The following DLC1 variants were observed in gnomAD, a reference collection of about 807,000 sequenced individuals.
DLC1 encodes the protein rho GTPase-activating protein 7.
Under a neutral mutation model 140.3 loss-of-function variants are expected in DLC1, and 54 were observed. The ratio of observed to expected loss-of-function variants is 0.38; its 90% CI spans 0.31 to 0.48. The LOEUF (loss-of-function observed/expected upper bound fraction) is 0.48. DLC1 is among the 20% of genes least tolerant of loss of function. The pLI is 0.96. For missense variants in DLC1, 2,536 were observed against 1,907.0 expected (o/e 1.33, Z -6.14); for synonymous variants, 986 against 728.1 (o/e 1.35, Z -5.70).
At chr8:13,188,603 CTTTTTTT>C (rs769280491) in intron 5 of DLC1, among the ~76,000 whole-genome samples, 1 of 116,178 alleles carries the variant, frequency 8.6e-6, no homozygotes, top group Non-Finnish European at 1.7e-5. Flanking sequence ...ATGTCTATTA[CTTTTTTT>C]TTTTTTTTTT....
chr8:13,294,123 G>A (rs535996847), intron 5 of DLC1, among the ~76,000 whole-genome samples: 60 of 152,166 alleles, frequency 3.9e-4, no homozygotes, highest in Non-Finnish European at 6.5e-4. Context: ...CTCTGTCTCC[G>A]CAAACCACTG....
At position 13,253,348 on chromosome 8, in the gene DLC1, G is replaced by A. The variant is rs544066739; in HGVS notation, c.1348+51921C>T. ...AATGCCTTTTTAAAAATTGTCATTGGATGTCCTCGTTCATTGTGAGAGGAC... is the reference window on the plus strand; with the variant it reads ...AATGCCTTTTTAAAAATTGTCATTGAATGTCCTCGTTCATTGTGAGAGGAC... On this transcript the variant is annotated intron_variant, in intron 5 of 17. Transcript: ENST00000276297. Among the ~76,000 whole-genome samples the A allele has an allele frequency of 2.0e-5, 3 of 152,234 alleles. No homozygotes were observed. The South Asian group carries it at 6.2e-4, about 32-fold the overall frequency.
At chr8:13,431,750 T>G (rs907828145) in intron 2 of DLC1, among the ~76,000 whole-genome samples, 51 of 152,016 alleles carry the variant, frequency 3.4e-4, no homozygotes, top group African/African-American at 1.2e-3. Context: ...TGCTTACCTA[T>G]CTGTAGGGCT....
chr8:13,246,716 G>A (rs1266991435), intron 5 of DLC1, among the ~76,000 whole-genome samples: 1 of 150,860 alleles, frequency 6.6e-6, no homozygotes, highest in East Asian at 1.9e-4. Flanking sequence ...GCATGCCATT[G>A]CTTCACTAAC....
At chr8:13,523,477 A>G (rs547744113) in intron 1 of DLC1, among the ~76,000 whole-genome samples, 7 of 152,310 alleles carry the variant, frequency 4.6e-5, no homozygotes, top group African/African-American at 1.7e-4. Flanking sequence ...TAGAAGTGTT[A>G]AAGAGGCAGT....
intron 2 of DLC1, among the ~76,000 whole-genome samples, chr8:13,472,563 G>A (rs781211113): frequency 6.6e-6 from 1 of 152,106 alleles, no homozygotes; most frequent in East Asian, 1.9e-4. Context: ...TTTAGTAGTA[G>A]TCCCCTAGGA....
chr8:13,453,513 TAC>T lies in DLC1; in HGVS notation c.1023+45534_1023+45535del, dbSNP rs1315367233. On this transcript the variant is annotated intron_variant, in intron 2 of 17. Transcript: ENST00000276297. ...ATACATATATATATGTATATATATA[TAC>T]ATATATATATATGTATATATATACA... 4.6e-4 allele frequency among the ~76,000 whole-genome samples: 14 copies of T among 30,550 alleles called. 1 individual carries two copies. The highest frequency in any genetic ancestry group is 1.5e-3 in the East Asian group (2 of 1,292). The allele number at this position is 30,550 out of a possible 152,430, so 20.0% of individuals were successfully genotyped here.
chr8:13,147,970 G>A (rs1585770031), intron 5 of DLC1, among the ~76,000 whole-genome samples: 2 of 152,268 alleles, frequency 1.3e-5, no homozygotes, highest in Middle Eastern at 6.8e-3. Context: ...CTGGGCAACA[G>A]AGCAAGACTC....
chr8:13,165,247 C>T (rs1825025716), intron 5 of DLC1, among the ~76,000 whole-genome samples: 1 of 152,060 alleles, frequency 6.6e-6, no homozygotes, highest in African/African-American at 2.4e-5. Flanking sequence ...ATCTAGCAAT[C>T]CCACTTTATA....
intron 2 of DLC1, among the ~76,000 whole-genome samples, chr8:13,442,216 A>C (rs1798546023): frequency 6.6e-6 from 1 of 152,240 alleles, no homozygotes; most frequent in South Asian, 2.1e-4. Context: ...AGATGGATTA[A>C]AGACTTAAAT....
chr8:13,413,004 C>G (rs189225863), intron 2 of DLC1, among the ~76,000 whole-genome samples: 2 of 150,716 alleles, frequency 1.3e-5, no homozygotes, highest in African/African-American at 4.9e-5. Context: ...GTTTAATGAG[C>G]AAAACACAGG....
chr8:13,563,008 A>C (rs1303068866), intron 1 of DLC1, among the ~76,000 whole-genome samples: 1 of 152,240 alleles, frequency 6.6e-6, no homozygotes, highest in Non-Finnish European at 1.5e-5. Context: ...ATATTTTCAA[A>C]ACATTTTTGA....
chr8:13,259,061 C>T (rs1001392335), intron 5 of DLC1, among the ~76,000 whole-genome samples: 6 of 145,832 alleles, frequency 4.1e-5, no homozygotes, highest in Admixed American at 1.4e-4. Context: ...GGCGTGAACC[C>T]GGGAGGCGGA....
chr8:13,531,519 C>G (rs1976019), intron 1 of DLC1, among the ~76,000 whole-genome samples: 149,707 of 152,244 alleles, frequency 0.98, 73,667 homozygotes, highest in East Asian at 1. Flanking sequence ...CTGGGAGGTG[C>G]AGGTTGCAGT....
rs547687287 is a variant in DLC1 at position 13,460,385 on chromosome 8, C to T, written c.1023+38664G>A. ...ACTAAAAGACTTCTGTACAGATTCA[C>T]CGTAAGCTCACTGCACGTGTTCTGG... On this transcript the variant is annotated intron_variant, in intron 2 of 17. Coordinates refer to ENST00000276297, the MANE Select transcript of DLC1 (RefSeq NM_182643.3). 6.0e-4 allele frequency among the ~76,000 whole-genome samples: 91 copies of T among 152,310 alleles called. 1 individual carries two copies. Among genetic ancestry groups the T allele is most frequent in the Admixed American group, 1.0e-3 (16 of 15,300 alleles).
intron 3 of DLC1, among the ~76,000 whole-genome samples, chr8:13,398,521 T>C (rs537930201): frequency 6.7e-6 from 1 of 149,464 alleles, no homozygotes; most frequent in African/African-American, 2.5e-5. Context: ...TCCCAACACA[T>C]TGGGAGGCCG....
chr8:13,160,489 G>C (rs1477795654), intron 5 of DLC1, among the ~76,000 whole-genome samples: 3 of 152,130 alleles, frequency 2.0e-5, no homozygotes, highest in Non-Finnish European at 4.4e-5. Context: ...CTGTCCTCTT[G>C]GATGTGGTGG....
rs534577283 is a variant in DLC1 at position 13,473,780 on chromosome 8, G to C, written c.1023+25269C>G. The stretch of plus-strand genomic sequence containing the variant: ...CTGGTAGCATTTTTCCCCTTCGCTA[G>C]AGATTTTTGGAACTTTGAACTTGAG... On this transcript the variant is annotated intron_variant, in intron 2 of 17. Coordinates refer to ENST00000276297, the MANE Select transcript of DLC1 (RefSeq NM_182643.3). Among the ~76,000 whole-genome samples the C allele has an allele frequency of 1.1e-4, 16 of 152,274 alleles. No individual in the cohort carries two copies. The East Asian group carries it at 3.1e-3, about 29-fold the overall frequency.
chr8:13,265,264 A>C (rs145299790), intron 5 of DLC1, among the ~76,000 whole-genome samples: 9 of 152,318 alleles, frequency 5.9e-5, no homozygotes, highest in Admixed American at 1.3e-4. Context: ...AGGGCGAAGA[A>C]AGCATTTACA....
Sources: gnomAD v4.1 joint callset for allele counts (sites outside exome capture counted in the v4.1 genomes callset) on GRCh38, gnomAD v4.1.1 for gene constraint, MANE v1.5 for transcripts, NCBI Gene and HGNC (gene_info 2026-07-23, HGNC 2026-07-21) for gene names.